Variants in RORA observed in about 807,000 individuals in gnomAD.
RORA encodes the protein nuclear receptor ROR-alpha.
In RORA, 7 loss-of-function variants were observed where a neutral mutation model predicts 69.5. The ratio of observed to expected loss-of-function variants is 0.10; its 90% CI spans 0.06 to 0.19. The LOEUF is 0.19. Ranked by LOEUF, RORA falls within the 10% of genes least tolerant of loss-of-function variation. RORA has a pLI of 1.00. For missense variants in RORA, 457 were observed against 663.0 expected (o/e 0.69, Z 3.41); for synonymous variants, 261 against 240.8 (o/e 1.08, Z -0.78).
intron 1 of RORA, among the ~76,000 whole-genome samples, chr15:60,684,564 T>A (rs1318286720): frequency 6.6e-6 from 1 of 152,014 alleles, no homozygotes; most frequent in African/African-American, 2.4e-5. Context: ...TTGCAGTGAG[T>A]TGAGATCACG....
intron 1 of RORA, among the ~76,000 whole-genome samples, chr15:61,093,538 AG>A (rs1257321674): frequency 6.6e-6 from 1 of 152,242 alleles, no homozygotes; most frequent in Admixed American, 6.5e-5. Flanking sequence ...CTTCGGTCAC[AG>A]GGGACATGCA....
chr15:60,956,783 A>G (rs1054620427), intron 1 of RORA, among the ~76,000 whole-genome samples: 2 of 152,216 alleles, frequency 1.3e-5, no homozygotes, highest in African/African-American at 4.8e-5. Context: ...GTATCTTAGT[A>G]GGCCCCCTCA....
At chr15:60,993,786 C>G (rs926517072) in intron 1 of RORA, among the ~76,000 whole-genome samples, 3 of 151,998 alleles carry the variant, frequency 2.0e-5, no homozygotes, top group Admixed American at 6.6e-5. Context: ...TTTAAACCAT[C>G]AGCAAAATCA....
At chr15:60,522,770 T>TAAA (rs34289911) in intron 3 of RORA, among the ~76,000 whole-genome samples, 2,300 of 124,094 alleles carry the variant, frequency 0.019, 90 homozygotes, top group African/African-American at 0.069. Context: ...CCCTGTGTCT[T>TAAA]AAAAAAAAAA....
rs543262893 is a variant in RORA at position 61,202,252 on chromosome 15, C to T, written c.166+26801G>A. Reference sequence around the variant, plus strand: ...GTCTCAAACTCCTGGCCTCGTGATCCGCCTGCCTCAGCCTCCCACAGTGCT... The same window carrying T: ...GTCTCAAACTCCTGGCCTCGTGATCTGCCTGCCTCAGCCTCCCACAGTGCT... On this transcript the variant is annotated intron_variant, in intron 1 of 10. Coordinates refer to ENST00000335670, the MANE Select transcript of RORA (RefSeq NM_134261.3). 7.9e-5 allele frequency among the ~76,000 whole-genome samples: 12 copies of T among 152,230 alleles called. 1 individual carries two copies. Among genetic ancestry groups the T allele is most frequent in the Middle Eastern group, 3.4e-3 (1 of 294 alleles).
chr15:60,789,188 G>T (rs996191392), intron 1 of RORA, among the ~76,000 whole-genome samples: 1 of 152,178 alleles, frequency 6.6e-6, no homozygotes, highest in African/African-American at 2.4e-5. Flanking sequence ...AAACAGAGGA[G>T]CCAGCTGAGG....
intron 1 of RORA, among the ~76,000 whole-genome samples, chr15:60,925,556 T>C (rs1892189577): frequency 1.3e-5 from 2 of 151,998 alleles, no homozygotes; most frequent in Admixed American, 1.3e-4. Flanking sequence ...CAGAGGGGAG[T>C]CAGGGAATCC....
intron 1 of RORA, among the ~76,000 whole-genome samples, chr15:60,681,352 T>A (rs1442867463): frequency 6.6e-6 from 1 of 152,164 alleles, no homozygotes; most frequent in Non-Finnish European, 1.5e-5. Context: ...TCAAAAAAGT[T>A]TTACTCCTTG....
At position 61,137,103 on chromosome 15, in the gene RORA, A is replaced by G. The variant is rs7177216; in HGVS notation, c.166+91950T>C. Among the ~76,000 whole-genome samples the G allele has an allele frequency of 2.0e-4, 28 of 142,662 alleles. No homozygotes were observed. In the South Asian group the frequency reaches 2.1e-3, roughly 11 times the overall value. 93.6% of individuals were successfully genotyped at this position (142,662 alleles called of 152,430 possible). A position where few individuals can be genotyped will look rare whatever the true frequency, so the allele number is the denominator to read the frequency against. ...AGAAAGAAAGAAAGAAAGAAAGAAAAAAGCAAGGGTGTCCAGGGTGGCAGA... is the reference window on the plus strand; with the variant it reads ...AGAAAGAAAGAAAGAAAGAAAGAAAGAAGCAAGGGTGTCCAGGGTGGCAGA... On this transcript the variant is annotated intron_variant, in intron 1 of 10. Coordinates refer to ENST00000335670, the MANE Select transcript of RORA (RefSeq NM_134261.3).
chr15:61,081,869 C>T (rs2078547305), intron 1 of RORA, among the ~76,000 whole-genome samples: 1 of 151,258 alleles, frequency 6.6e-6, no homozygotes. Context: ...GTGCTAGACA[C>T]CTAGTTGATT....
At chr15:60,688,117 A>G (rs1435717505) in intron 1 of RORA, among the ~76,000 whole-genome samples, 1 of 152,234 alleles carries the variant, frequency 6.6e-6, no homozygotes, top group African/African-American at 2.4e-5. Context: ...TGGCAAATAA[A>G]GCATGATATG....
At chr15:60,906,780 G>A (rs1445517049) in intron 1 of RORA, among the ~76,000 whole-genome samples, 2 of 152,048 alleles carry the variant, frequency 1.3e-5, no homozygotes, top group African/African-American at 2.4e-5. Context: ...GATTTTTATT[G>A]TACATTCAGA....
At chr15:60,901,182 T>C (rs905325272) in intron 1 of RORA, among the ~76,000 whole-genome samples, 2 of 146,216 alleles carry the variant, frequency 1.4e-5, no homozygotes, top group African/African-American at 5.6e-5. Context: ...TTTTTTTTTC[T>C]TTTTTTGAAA....
chr15:61,120,212 A>G (rs1420166014), intron 1 of RORA, among the ~76,000 whole-genome samples: 1 of 152,102 alleles, frequency 6.6e-6, no homozygotes, highest in Non-Finnish European at 1.5e-5. Context: ...AAAATTTATT[A>G]GGCCATATAC....
intron 1 of RORA, among the ~76,000 whole-genome samples, chr15:61,169,099 C>A (rs1332916930): frequency 7.2e-6 from 1 of 139,792 alleles, no homozygotes; most frequent in Non-Finnish European, 1.6e-5. Flanking sequence ...TAAGAACACT[C>A]CTGAAGGCAG....
chr15:60,737,707 G>C (rs759735014), intron 1 of RORA, among the ~76,000 whole-genome samples: 2 of 152,242 alleles, frequency 1.3e-5, no homozygotes, highest in African/African-American at 2.4e-5. Flanking sequence ...ATTGCTGCTT[G>C]TTAGGAAGAG....
intron 1 of RORA, among the ~76,000 whole-genome samples, chr15:60,777,623 C>A (rs1378293685): frequency 1.3e-5 from 2 of 152,294 alleles, no homozygotes; most frequent in East Asian, 3.9e-4. Context: ...CTGTGGGCTG[C>A]AGTCCCCAGA....
chr15:61,197,369 T>G (rs1305441959), intron 1 of RORA, among the ~76,000 whole-genome samples: 1 of 152,124 alleles, frequency 6.6e-6, no homozygotes, highest in South Asian at 2.1e-4. Flanking sequence ...GTTCCCATGG[T>G]GTGGAGAAGC....
intron 1 of RORA, among the ~76,000 whole-genome samples, chr15:61,224,742 G>T (rs72741603): frequency 0.049 from 7,403 of 152,240 alleles, 238 homozygotes; most frequent in Middle Eastern, 0.12. Flanking sequence ...AAAATCCTCA[G>T]AACATTTTTA....
Sources: gnomAD v4.1 joint callset for allele counts (sites outside exome capture counted in the v4.1 genomes callset) on GRCh38, gnomAD v4.1.1 for gene constraint, MANE v1.5 for transcripts, NCBI Gene and HGNC (gene_info 2026-07-23, HGNC 2026-07-21) for gene names.